MFF: variants seen among roughly 807,000 people sequenced by gnomAD.
MFF encodes the protein mitochondrial fission factor.
MFF carries 12 observed loss-of-function variants against 36.9 expected under a neutral mutation model. That is an observed-to-expected ratio of 0.33 (90% CI 0.21 to 0.53). The LOEUF is 0.53. Among genes scored for constraint, MFF ranks in the 20% least tolerant of loss-of-function variants. The pLI is 0.95. For missense variants in MFF, 348 were observed against 366.6 expected, an observed-to-expected ratio of 0.95 and a Z score of 0.42; for synonymous variants, 99 against 126.2, an observed-to-expected ratio of 0.78 and a Z score of 1.44.
intron 3 of MFF, among the ~76,000 whole-genome samples, chr2:227,331,146 G>A (rs2074541671): frequency 2.0e-5 from 3 of 152,078 alleles, no homozygotes; most frequent in Admixed American, 2.0e-4. Flanking sequence ...GACCATTTTT[G>A]TTACTCTGCA....
At chr2:227,329,893 G>T in intron 2 of MFF, 6 of 654,386 alleles carry the variant, frequency 9.2e-6, no homozygotes, top group South Asian at 4.5e-5. Context: ...ATCAGCTTTT[G>T]TATTGGCGGC....
At chr2:227,334,320 A>G (rs1482269921) in intron 4 of MFF, among the ~76,000 whole-genome samples, 2 of 152,206 alleles carry the variant, frequency 1.3e-5, no homozygotes, top group Non-Finnish European at 2.9e-5. Flanking sequence ...TCTGAGATTA[A>G]TACCAGCTGC....
At chr2:227,340,682 T>C (rs2075339513) in intron 5 of MFF, 1 of 188,168 alleles carries the variant, frequency 5.3e-6, no homozygotes, top group Admixed American at 5.8e-5. Flanking sequence ...GCAAGACAAA[T>C]AGAATTTTTT....
intron 1 of MFF, among the ~76,000 whole-genome samples, chr2:227,326,301 G>C (rs1307510813): frequency 6.6e-6 from 1 of 151,168 alleles, no homozygotes; most frequent in African/African-American, 2.4e-5. Flanking sequence ...CATCCACCGA[G>C]AGACTTAAGA....
rs1284536592 is a variant in MFF at position 227,342,758 on chromosome 2, G to C, written c.440+2378G>C. The C allele has an allele frequency of 6.2e-6, 10 of 1,613,398 alleles. No homozygotes were observed. The South Asian group carries it at 1.1e-4, about 18-fold the overall frequency. On this transcript the variant is annotated intron_variant, in intron 5 of 8. Coordinates refer to ENST00000304593, the MANE Select transcript of MFF (RefSeq NM_001277062.2). ...TTATTATTTAAGGTGGCACAGATCAGATTCTGCCCCAAGAAATAAAATTTC... is the reference window on the plus strand; with the variant it reads ...TTATTATTTAAGGTGGCACAGATCACATTCTGCCCCAAGAAATAAAATTTC...
At chr2:227,342,058 TAC>T (rs1417177790) in intron 5 of MFF, among the ~76,000 whole-genome samples, 2 of 152,104 alleles carry the variant, frequency 1.3e-5, no homozygotes, top group African/African-American at 4.8e-5. Context: ...AGAAAAGATT[TAC>T]AGTGTTAACT....
At position 227,330,832 on chromosome 2, in the gene MFF, G is replaced by A; in HGVS notation, c.167G>A (p.Arg56Lys). The A allele has an allele frequency of 5.6e-6, 9 of 1,613,940 alleles. No individual in the cohort carries two copies. Among genetic ancestry groups the A allele is most frequent in the Non-Finnish European group, 7.6e-6 (9 of 1,179,794 alleles). The change falls in exon 3 of 9, where the codon AGG (arginine) becomes AAG (lysine). Residue 56 changes from arginine to lysine, a missense_variant. Transcript: ENST00000304593. Reference protein sequence around the residue: ...NASVIMQVPERIVVAGNNEDV... With the variant: ...NASVIMQVPEKIVVAGNNEDV... The stretch of plus-strand genomic sequence containing the variant: ...AGTGTGATAATGCAAGTTCCGGAGA[G>A]GATTGTTGTAGCAGGTATTTCACCT...
intron 6 of MFF, chr2:227,352,012 G>A (rs73997103): frequency 0.042 from 6,483 of 153,384 alleles, 464 homozygotes; most frequent in African/African-American, 0.15. Context: ...AATTAATGAG[G>A]TGGGAGGGAA....
chr2:227,336,529 A>G (rs772722054), intron 4 of MFF, among the ~76,000 whole-genome samples: 56 of 152,354 alleles, frequency 3.7e-4, no homozygotes, highest in Admixed American at 1.9e-3. Flanking sequence ...TTGGAGGAGA[A>G]GAGTAAAGGC....
chr2:227,336,949 G>A (rs1217923963), intron 4 of MFF, among the ~76,000 whole-genome samples: 1 of 152,208 alleles, frequency 6.6e-6, no homozygotes, highest in East Asian at 1.9e-4. Context: ...AAAGGGTCCT[G>A]TGGAAGCTTA....
At chr2:227,345,239 G>C (rs572619990) in intron 5 of MFF, among the ~76,000 whole-genome samples, 1 of 152,268 alleles carries the variant, frequency 6.6e-6, no homozygotes, top group East Asian at 1.9e-4. Flanking sequence ...TTCTCTTAGA[G>C]GAAGTAACCC....
chr2:227,352,182 G>A (rs918661331), intron 6 of MFF: 1 of 205,430 alleles, frequency 4.9e-6, no homozygotes, highest in African/African-American at 2.3e-5. Context: ...CTGGAAGAAA[G>A]GAATTACACT....
At chr2:227,348,109 TTCAAC>T (rs2106437520) in intron 6 of MFF, among the ~76,000 whole-genome samples, 1 of 152,316 alleles carries the variant, frequency 6.6e-6, no homozygotes, top group African/African-American at 2.4e-5. Flanking sequence ...TCAATTTCAT[TTCAAC>T]TCTGAACATT....
chr2:227,347,501 A>G (rs776137220), intron 6 of MFF, 117 bp downstream of exon 6: 27 of 791,426 alleles, frequency 3.4e-5, no homozygotes, highest in East Asian at 9.9e-5. Flanking sequence ...CTAAGATGCA[A>G]TGATTTGAAA....
intron 4 of MFF, among the ~76,000 whole-genome samples, chr2:227,335,222 G>A (rs1338050889): frequency 1.3e-5 from 2 of 148,858 alleles, no homozygotes; most frequent in Non-Finnish European, 3.0e-5. Context: ...GATGAACCTT[G>A]AAAACATGTA....
intron 2 of MFF, chr2:227,329,840 T>A: frequency 8.3e-7 from 1 of 1,199,054 alleles, no homozygotes; most frequent in Non-Finnish European, 1.2e-6. Flanking sequence ...ACAATGGCTT[T>A]AAAGCTTACT....
At chr2:227,342,416 G>T (rs2075446053) in intron 5 of MFF, among the ~76,000 whole-genome samples, 1 of 151,988 alleles carries the variant, frequency 6.6e-6, no homozygotes, top group South Asian at 2.1e-4. Context: ...AAAAACAATT[G>T]ATATAATACC....
intron 6 of MFF, among the ~76,000 whole-genome samples, chr2:227,351,435 A>G (rs941675405): frequency 6.6e-6 from 1 of 152,184 alleles, no homozygotes; most frequent in African/African-American, 2.4e-5. Flanking sequence ...CAGCTGTGCC[A>G]ACTTACAGAA....
At position 227,357,078 on chromosome 2, in the gene MFF, T is replaced by C. The variant is rs1460617475; in HGVS notation, c.837T>C (p.Ala279=). ...TGGTCATGTATTCAATTACTGTAGC[T>C]TTCTGGCTGCTTAATAGCTGGCTCT... The part of the protein sequence containing the change: ...REMVMYSITV[A]FWLLNSWLWF... The change falls in exon 9 of 9, where the codon GCT becomes GCC. Residue 279 remains alanine, a synonymous_variant. Transcript: ENST00000304593. 6.2e-7 allele frequency: 1 copy of C among 1,612,432 alleles called. No individual in the cohort carries two copies. The highest frequency in any genetic ancestry group is 8.5e-7 in the Non-Finnish European group (1 of 1,179,990).
Sources: gnomAD v4.1 joint callset for allele counts (sites outside exome capture counted in the v4.1 genomes callset) on GRCh38, gnomAD v4.1.1 for gene constraint, MANE v1.5 for transcripts, NCBI Gene and HGNC (gene_info 2026-07-23, HGNC 2026-07-21) for gene names.